RNF115: variants seen among roughly 807,000 people sequenced by gnomAD.
RNF115 encodes the protein ring finger protein 115.
Under a neutral mutation model 39.2 loss-of-function variants are expected in RNF115, and 31 were observed. That is an observed-to-expected ratio of 0.79 (90% CI 0.59 to 1.07). The LOEUF (loss-of-function observed/expected upper bound fraction) is 1.07. Among genes scored for constraint, RNF115 ranks in the 50% least tolerant of loss-of-function variants. The pLI is 0.00. For synonymous variants in RNF115, 124 were observed against 131.0 expected (o/e 0.95, Z 0.37); for missense variants, 384 against 381.7 (o/e 1.01, Z -0.05).
At chr1:145,764,612 C>A in intron 4 of RNF115, among the ~76,000 whole-genome samples, 1 of 151,794 alleles carries the variant, frequency 6.6e-6, no homozygotes, top group African/African-American at 2.4e-5. Context: ...GGCAGCCGCC[C>A]CGTCTGGGAA....
At chr1:145,750,280 G>C (rs1187440202) in intron 7 of RNF115, 127 bp downstream of exon 7, 1 of 748,402 alleles carries the variant, frequency 1.3e-6, no homozygotes. Context: ...GGAAGGTATT[G>C]GGATTTTTTT....
intron 4 of RNF115, among the ~76,000 whole-genome samples, chr1:145,755,838 T>C (rs782402789): frequency 9.9e-5 from 15 of 152,178 alleles, no homozygotes; most frequent in Non-Finnish European, 1.8e-4. Flanking sequence ...ATCCTTGTTA[T>C]ATAATGGCAA....
Position 145,750,491 on chromosome 1 carries a change from G to A in RNF115, c.583C>T (p.Gln195Ter), listed in dbSNP as rs1553712330. Residue 195 changes from glutamine (Q) to a stop codon, truncating the protein, a stop_gained, in exon 7 of 9, where the codon CAA becomes TAA. Coordinates refer to ENST00000582693, the MANE Select transcript of RNF115 (RefSeq NM_014455.4). LOFTEE classifies it high-confidence loss of function. ...LDAIVTQLLG[Q>*]LENTGPPPAD... ...GGGGGAGGGCCTGTGTTTTCCAGTT[G>A]TCCTAAAAGCTACAAAAAAAGAGAA... 2.5e-6 allele frequency: 4 copies of A among 1,613,522 alleles called. No homozygotes were observed. Among genetic ancestry groups the A allele is most frequent in the Non-Finnish European group, 8.5e-7 (1 of 1,179,620 alleles).
intron 2 of RNF115, 48 bp from the exon 3 acceptor site, chr1:145,784,644 C>T: frequency 6.5e-7 from 1 of 1,546,426 alleles, no homozygotes. Flanking sequence ...GGAACAAGCT[C>T]CCCTCCCAGA....
chr1:145,763,032 T>C (rs1335788496), intron 4 of RNF115, among the ~76,000 whole-genome samples: 2 of 152,022 alleles, frequency 1.3e-5, no homozygotes, highest in Non-Finnish European at 2.9e-5. Flanking sequence ...AGGGCAAAGG[T>C]TGAGAAACTA....
At position 145,746,089 on chromosome 1, in the gene RNF115, G is replaced by C. The variant is rs1553711704; in HGVS notation, c.*777C>G. The stretch of plus-strand genomic sequence containing the variant: ...AATATACAAAAAATTAGCTGGGCAT[G>C]GTAACAAATGCCTGTGGTCCCAGCT... On this transcript the variant is annotated 3_prime_UTR_variant, in exon 9 of 9. Coordinates refer to ENST00000582693, the MANE Select transcript of RNF115 (RefSeq NM_014455.4). 2 of 151,922 alleles carry C rather than the reference G, an allele frequency of 1.3e-5. No individual in the cohort carries two copies. The highest frequency in any genetic ancestry group is 4.8e-5 in the African/African-American group (2 of 41,378). The allele number at this position is 151,922 out of a possible 1,614,324, so 9.4% of individuals were successfully genotyped here.
intron 4 of RNF115, among the ~76,000 whole-genome samples, chr1:145,766,667 G>C: frequency 7.3e-6 from 1 of 136,254 alleles, no homozygotes; most frequent in Non-Finnish European, 1.6e-5. Context: ...CTGGCCGGGC[G>C]GGGGGCTGAC....
chr1:145,823,632 G>T, intron 1 of RNF115, 140 bp downstream of exon 1: 1 of 606,624 alleles, frequency 1.6e-6, no homozygotes, highest in South Asian at 2.7e-5. Context: ...TAGGGCCGGC[G>T]GCTTAGAAGT....
intron 4 of RNF115, among the ~76,000 whole-genome samples, chr1:145,765,288 G>T (rs1324198964): frequency 6.6e-6 from 1 of 152,084 alleles, no homozygotes; most frequent in African/African-American, 2.4e-5. Context: ...ACTGTGGAAG[G>T]CCGCAGGGCC....
At position 145,740,515 on chromosome 1, in the gene RNF115, GC is replaced by G. The variant is rs1182259654; in HGVS notation, c.*6350del. The G allele has an allele frequency of 1.3e-5, 2 of 152,212 alleles. No individual in the cohort carries two copies. Among genetic ancestry groups the G allele is most frequent in the African/African-American group, 4.8e-5 (2 of 41,434 alleles). 9.4% of individuals were successfully genotyped at this position (152,212 alleles called of 1,614,324 possible). On this transcript the variant is annotated 3_prime_UTR_variant, in exon 9 of 9. Coordinates refer to ENST00000582693, the MANE Select transcript of RNF115 (RefSeq NM_014455.4). Reference sequence around the variant, plus strand: ...GCTTTCAAAATGTGTTGATACAATTGCCTTCAAATAAGCCTACAAATTTTCA... The same window carrying G: ...GCTTTCAAAATGTGTTGATACAATTGCTTCAAATAAGCCTACAAATTTTCA...
chr1:145,744,179 A>C lies in RNF115; in HGVS notation c.*2687T>G, dbSNP rs782496843. On this transcript the variant is annotated 3_prime_UTR_variant, in exon 9 of 9. Transcript: ENST00000582693. ...GTCCTGGCATCTCCAGACACTGACA[A>C]GCAAATATGTCCAGGCTGTCATGAT... 1 of 152,316 alleles carries C rather than the reference A, an allele frequency of 6.6e-6. No homozygotes were observed. Among genetic ancestry groups the C allele is most frequent in the Non-Finnish European group, 1.5e-5 (1 of 68,062 alleles). 9.4% of individuals were successfully genotyped at this position (152,316 alleles called of 1,614,324 possible).
At position 145,740,734 on chromosome 1, in the gene RNF115, AAATT is replaced by A. The variant is rs1223535175; in HGVS notation, c.*6128_*6131del. The A allele has an allele frequency of 2.6e-5, 4 of 152,364 alleles. No individual in the cohort carries two copies. Among genetic ancestry groups the A allele is most frequent in the Non-Finnish European group, 5.9e-5 (4 of 68,030 alleles). 9.4% of individuals were successfully genotyped at this position (152,364 alleles called of 1,614,324 possible). A position where few individuals can be genotyped will look rare whatever the true frequency, so the allele number is the denominator to read the frequency against. On this transcript the variant is annotated 3_prime_UTR_variant, in exon 9 of 9. Coordinates refer to ENST00000582693, the MANE Select transcript of RNF115 (RefSeq NM_014455.4). Reference sequence around the variant, plus strand: ...GGATGTAGATTCTGGTGTGACTAATAAATTAACTTAAAAGCATTACTGAAATCAT... The same window carrying A: ...GGATGTAGATTCTGGTGTGACTAATAAACTTAAAAGCATTACTGAAATCAT...
intron 1 of RNF115, among the ~76,000 whole-genome samples, chr1:145,806,951 C>T (rs144234357): frequency 5.6e-4 from 86 of 152,328 alleles, no homozygotes; most frequent in Non-Finnish European, 5.9e-4. Context: ...ATTACAGGTA[C>T]GCGCCACTGC....
intron 1 of RNF115, among the ~76,000 whole-genome samples, chr1:145,795,393 T>G (rs587730682): frequency 1.3e-5 from 2 of 152,204 alleles, no homozygotes; most frequent in Admixed American, 1.3e-4. Flanking sequence ...ACGGCCAGCT[T>G]TTATTCCCTT....
At chr1:145,786,326 A>G (rs1648378182) in intron 2 of RNF115, among the ~76,000 whole-genome samples, 2 of 152,204 alleles carry the variant, frequency 1.3e-5, no homozygotes, top group Admixed American at 1.3e-4. Flanking sequence ...TCCACTACTT[A>G]CCACTGCAAT....
chr1:145,766,931 C>T lies in RNF115; in HGVS notation c.428+4780G>A, dbSNP rs1464597540. ...CTCCCGGACGGGGCGGCTGGCCGGG[C>T]GGGGGGCTGACCTGACCCCCCCACC... On this transcript the variant is annotated intron_variant, in intron 4 of 8. Coordinates refer to ENST00000582693, the MANE Select transcript of RNF115 (RefSeq NM_014455.4). Among the ~76,000 whole-genome samples the T allele has an allele frequency of 5.6e-4, 23 of 40,780 alleles. 5 individuals carry two copies. The highest frequency in any genetic ancestry group is 2.3e-3 in the African/African-American group (22 of 9,446). 26.8% of individuals were successfully genotyped at this position (40,780 alleles called of 152,430 possible). A position where few individuals can be genotyped will look rare whatever the true frequency, so the allele number is the denominator to read the frequency against.
chr1:145,804,970 G>A (rs1553721399), intron 1 of RNF115, among the ~76,000 whole-genome samples: 1 of 151,920 alleles, frequency 6.6e-6, no homozygotes, highest in Non-Finnish European at 1.5e-5. Flanking sequence ...TTCCCATAAA[G>A]CAGTTCAATT....
In RNF115 at chr1:145,779,176, T is replaced by G. The variant is rs1553716959; in HGVS notation, c.219+5363A>C. Among the ~76,000 whole-genome samples, 4 of 40,494 alleles carry G rather than the reference T, an allele frequency of 9.9e-5. No individual in the cohort carries two copies. The South Asian group carries it at 4.9e-3, about 50-fold the overall frequency. 26.6% of individuals were successfully genotyped at this position (40,494 alleles called of 152,430 possible). ...GCCATTAAAGAATATGAAGTCCTAA[T>G]TTTTTTTTTTTTTTTGGAGACAGGG... On this transcript the variant is annotated intron_variant, in intron 3 of 8. Transcript: ENST00000582693.
chr1:145,752,369 T>C (rs1354973075), intron 5 of RNF115, among the ~76,000 whole-genome samples: 1 of 152,074 alleles, frequency 6.6e-6, no homozygotes, highest in Non-Finnish European at 1.5e-5. Flanking sequence ...ATACCAAGCC[T>C]GGCAGGGACC....
Sources: gnomAD v4.1 joint callset for allele counts (sites outside exome capture counted in the v4.1 genomes callset) on GRCh38, gnomAD v4.1.1 for gene constraint, MANE v1.5 for transcripts, NCBI Gene and HGNC (gene_info 2026-07-23, HGNC 2026-07-21) for gene names.